Variants in ADGRE2 observed in about 807,000 individuals in gnomAD.
ADGRE2 encodes adhesion G protein-coupled receptor E2, also known as CD97 antigen.
ADGRE2 carries 83 observed loss-of-function variants against 100.8 expected under a neutral mutation model. That is an observed-to-expected ratio of 0.82 (90% CI 0.69 to 0.99). The LOEUF (loss-of-function observed/expected upper bound fraction) is 0.99, where lower values mean the gene tolerates loss of function less well. ADGRE2 is among the 50% of genes least tolerant of loss of function. The pLI is 0.00. For missense variants in ADGRE2, 814 were observed against 1,035.7 expected (o/e 0.79, Z 2.94); for synonymous variants, 355 against 413.0 (o/e 0.86, Z 1.70).
chr19:14,760,434 A>G (rs2043675838), intron 11 of ADGRE2, among the ~76,000 whole-genome samples: 2 of 152,240 alleles, frequency 1.3e-5, no homozygotes, highest in South Asian at 4.1e-4. Context: ...TCTGGTGGGG[A>G]ATTAGAATGA....
chr19:14,725,029 C>G, the ADGRE2 span, among the ~76,000 whole-genome samples: 2 of 152,212 alleles, frequency 1.3e-5, no homozygotes, highest in African/African-American at 4.8e-5. Flanking sequence ...AACGGGCTCA[C>G]GGTTCTGCAG....
intron 16 of ADGRE2, among the ~76,000 whole-genome samples, 158 bp downstream of exon 16, chr19:14,751,278 A>G (rs2043274636): frequency 1.3e-5 from 2 of 152,196 alleles, no homozygotes; most frequent in Admixed American, 6.6e-5. Context: ...AAATAAACTC[A>G]ATAGCTAAGA....
At chr19:14,743,374 A>T (rs1442017744) in intron 20 of ADGRE2, 46 bp downstream of exon 20, 3 of 1,483,622 alleles carry the variant, frequency 2.0e-6, no homozygotes, top group African/African-American at 1.4e-5. Context: ...CATGCTCCTC[A>T]GGTGGGTCGG....
chr19:14,724,215 G>A, the ADGRE2 span, among the ~76,000 whole-genome samples: 2 of 152,148 alleles, frequency 1.3e-5, no homozygotes, highest in South Asian at 2.1e-4. Context: ...AACAAGAAAT[G>A]GTTCAAAAAG....
chr19:14,750,875 G>A (rs2043263767), intron 16 of ADGRE2, among the ~76,000 whole-genome samples: 1 of 152,162 alleles, frequency 6.6e-6, no homozygotes, highest in Non-Finnish European at 1.5e-5. Flanking sequence ...GTGCAGTGGT[G>A]CAATCATAGC....
the ADGRE2 span, among the ~76,000 whole-genome samples, chr19:14,726,644 C>T: frequency 6.6e-6 from 1 of 152,216 alleles, no homozygotes; most frequent in Non-Finnish European, 1.5e-5. Context: ...CAGACACTCT[C>T]TAAGTCATTA....
rs775551169 is a variant in ADGRE2 at position 14,760,109 on chromosome 19, T to G, written c.1085-3764A>C. Among the ~76,000 whole-genome samples, 80 of 152,224 alleles carry G rather than the reference T, an allele frequency of 5.3e-4. No homozygotes were observed. In the Middle Eastern group the frequency reaches 0.01, roughly 19 times the overall value. On this transcript the variant is annotated intron_variant, in intron 11 of 20. Transcript: ENST00000315576. ...CTGGGATTACAGGCGTGAGCCACCG[T>G]GCCCGGCCCAAGTTCTATTGTTTGA...
chr19:14,735,628 C>A lies in ADGRE2; in HGVS notation c.*608G>T, dbSNP rs1276663428. On this transcript the variant is annotated 3_prime_UTR_variant, in exon 21 of 21. Coordinates refer to ENST00000315576, the MANE Select transcript of ADGRE2 (RefSeq NM_013447.4). ...TTGCCTAGCAGTAGAAACCTGATTT[C>A]TAGGAATTTCGGCTTCTGAGTCAAC... 1 of 152,100 alleles carries A rather than the reference C, an allele frequency of 6.6e-6. No homozygotes were observed. The highest frequency in any genetic ancestry group is 1.5e-5 in the Non-Finnish European group (1 of 68,020). 9.4% of individuals were successfully genotyped at this position (152,100 alleles called of 1,614,324 possible).
chr19:14,735,548 C>T lies in ADGRE2; in HGVS notation c.*688G>A, dbSNP rs1451760354. On this transcript the variant is annotated 3_prime_UTR_variant, in exon 21 of 21. Transcript: ENST00000315576. ...CGATCTGAGATTAGAAACTTTTCTG[C>T]ATGTTGGTGTGAAGACGAAAGAAGA... 6.6e-6 allele frequency: 1 copy of T among 152,168 alleles called. No homozygotes were observed. The highest frequency in any genetic ancestry group is 2.4e-5 in the African/African-American group (1 of 41,442). 9.4% of individuals were successfully genotyped at this position (152,168 alleles called of 1,614,324 possible). A position where few individuals can be genotyped will look rare whatever the true frequency, so the allele number is the denominator to read the frequency against.
At chr19:14,756,026 C>T in intron 12 of ADGRE2, 149 bp from the exon 13 acceptor site, 1 of 767,274 alleles carries the variant, frequency 1.3e-6, no homozygotes, top group Non-Finnish European at 2.2e-6. Context: ...ATCTTTAGTT[C>T]TATGTGTATC....
chr19:14,775,720 C>T (rs570237316), intron 2 of ADGRE2, among the ~76,000 whole-genome samples: 34 of 151,882 alleles, frequency 2.2e-4, no homozygotes, highest in African/African-American at 7.7e-4. Flanking sequence ...ATTAGCTGGG[C>T]GTGGTGGCAG....
intron 14 of ADGRE2, among the ~76,000 whole-genome samples, chr19:14,752,938 A>G (rs2043347840): frequency 6.6e-6 from 1 of 151,972 alleles, no homozygotes; most frequent in African/African-American, 2.4e-5. Context: ...TGCCAGGCTA[A>G]TTTTTATACT....
chr19:14,766,342 C>T lies in ADGRE2; in HGVS notation c.527G>A (p.Ser176Asn). 6.2e-7 allele frequency: 1 copy of T among 1,614,092 alleles called. No individual in the cohort carries two copies. The highest frequency in any genetic ancestry group is 8.5e-7 in the Non-Finnish European group (1 of 1,180,014). The change falls in exon 7 of 21, where the codon AGC becomes AAC. Residue 176 changes from serine (S) to asparagine (N), a missense_variant. This residue lies in a region of ADGRE2 where 69 missense variants were observed against 75.3 expected (regional missense o/e 0.92). Coordinates refer to ENST00000315576, the MANE Select transcript of ADGRE2 (RefSeq NM_013447.4). ...ECTSGQNPCH[S>N]STHCLNNVGS... ...CACGTTGTTGAGGCAGTGGGTGGAG[C>T]TGTGGCATGGGTTTTGTCCGGAGGT...
At chr19:14,729,360 CTTT>C (rs59225167), downstream of ADGRE2, among the ~76,000 whole-genome samples, 3 of 146,920 alleles carry the variant, frequency 2.0e-5, no homozygotes, top group Non-Finnish European at 4.5e-5. Context: ...AAACGATACA[CTTT>C]TTTTTTTTGT....
At chr19:14,736,832 T>G (rs191368622) in intron 20 of ADGRE2, among the ~76,000 whole-genome samples, 1,912 of 108,608 alleles carry the variant, frequency 0.018, 38 homozygotes, top group East Asian at 0.091. Context: ...ATATAGATAT[T>G]TAATATCTAT....
intron 20 of ADGRE2, among the ~76,000 whole-genome samples, chr19:14,742,481 C>T (rs2147130439): frequency 6.6e-6 from 1 of 152,270 alleles, no homozygotes; most frequent in East Asian, 1.9e-4. Flanking sequence ...GTTGTCCTGC[C>T]TCAGCCTCCT....
intron 11 of ADGRE2, among the ~76,000 whole-genome samples, chr19:14,759,159 G>A (rs988348393): frequency 6.6e-6 from 1 of 152,026 alleles, no homozygotes; most frequent in African/African-American, 2.4e-5. Flanking sequence ...TACTGTACAC[G>A]TGGTTGACAA....
intron 18 of ADGRE2, 82 bp downstream of exon 18, chr19:14,746,150 C>A: frequency 1.3e-6 from 1 of 793,462 alleles, no homozygotes; most frequent in Admixed American, 2.3e-5. Context: ...TGAGAAGGGA[C>A]CTCAGTGGCT....
At chr19:14,767,858 A>C (rs933406141) in intron 5 of ADGRE2, among the ~76,000 whole-genome samples, 1 of 152,212 alleles carries the variant, frequency 6.6e-6, no homozygotes, top group South Asian at 2.1e-4. Flanking sequence ...AAGTAGTCAC[A>C]GTCATATTTG....
Sources: gnomAD v4.1 joint callset for allele counts (sites outside exome capture counted in the v4.1 genomes callset) on GRCh38, gnomAD v4.1.1 for gene constraint, gnomAD v4.1.1 regional missense constraint, MANE v1.5 for transcripts, NCBI Gene and HGNC (gene_info 2026-07-23, HGNC 2026-07-21) for gene names.